The following MAGI2 variants were observed in gnomAD, a reference collection of about 807,000 sequenced individuals.
MAGI2 encodes the protein membrane-associated guanylate kinase, WW and PDZ domain-containing protein 2.
In MAGI2, 35 loss-of-function variants were observed where a neutral mutation model predicts 133.3. The observed-to-expected ratio is 0.26, with a 90% confidence interval of 0.20 to 0.35. The LOEUF (loss-of-function observed/expected upper bound fraction) is 0.35, where lower values mean the gene tolerates loss of function less well. Ranked by LOEUF, MAGI2 falls within the 10% of genes least tolerant of loss-of-function variation. The pLI, the probability that MAGI2 is intolerant of heterozygous loss-of-function variation, is 1.00. For synonymous variants in MAGI2, 729 were observed against 710.6 expected (o/e 1.03, Z -0.41); for missense variants, 1,636 against 1,863.4 (o/e 0.88, Z 2.25).
At chr7:79,291,936 T>A (rs1396588758) in intron 1 of MAGI2, among the ~76,000 whole-genome samples, 3 of 152,166 alleles carry the variant, frequency 2.0e-5, no homozygotes, top group African/African-American at 7.2e-5. Context: ...TTTATCTGAT[T>A]TTTTTTCACT....
At chr7:78,543,830 T>C (rs773199189) in intron 3 of MAGI2, among the ~76,000 whole-genome samples, 1 of 152,278 alleles carries the variant, frequency 6.6e-6, no homozygotes, top group Non-Finnish European at 1.5e-5. Context: ...AGAATATTAA[T>C]ATGAACTTTT....
At chr7:78,780,693 AG>A (rs1475648594) in intron 2 of MAGI2, among the ~76,000 whole-genome samples, 1 of 152,234 alleles carries the variant, frequency 6.6e-6, no homozygotes, top group Non-Finnish European at 1.5e-5. Flanking sequence ...AGGCTTTCAA[AG>A]AACCCAAGGC....
intron 2 of MAGI2, among the ~76,000 whole-genome samples, chr7:78,871,304 C>T (rs894155681): frequency 3.0e-4 from 46 of 151,780 alleles, no homozygotes; most frequent in Non-Finnish European, 5.9e-4. Context: ...AGCGAGACTC[C>T]ATCTCAAAAT....
At chr7:78,878,478 T>C (rs559503333) in intron 2 of MAGI2, among the ~76,000 whole-genome samples, 73 of 152,294 alleles carry the variant, frequency 4.8e-4, no homozygotes, top group African/African-American at 1.7e-3. Context: ...AATGTAAAAA[T>C]TCACATTTAT....
At chr7:78,494,600 G>A (rs570888676) in intron 5 of MAGI2, among the ~76,000 whole-genome samples, 1 of 151,996 alleles carries the variant, frequency 6.6e-6, no homozygotes, top group Admixed American at 6.6e-5. Context: ...ATTAAAACAT[G>A]TTCTCCTTTC....
intron 1 of MAGI2, among the ~76,000 whole-genome samples, chr7:79,252,156 C>CAAAAAAAAAAAAAAAA (rs1208897198): frequency 4.9e-5 from 5 of 102,596 alleles, no homozygotes; most frequent in Non-Finnish European, 7.1e-5. Flanking sequence ...GACCCTGTCT[C>CAAAAAAAAAAAAAAAA]AAAAAAAAAA....
At chr7:78,693,353 T>C (rs776707627) in intron 2 of MAGI2, among the ~76,000 whole-genome samples, 1 of 152,150 alleles carries the variant, frequency 6.6e-6, no homozygotes. Context: ...TCTACTCCCC[T>C]TGGGCCAAAA....
chr7:78,659,380 G>A (rs1366512449), intron 2 of MAGI2, among the ~76,000 whole-genome samples: 3 of 130,618 alleles, frequency 2.3e-5, no homozygotes, highest in African/African-American at 6.0e-5. Context: ...AGCCGAGATC[G>A]TGCCACTGCA....
intron 2 of MAGI2, among the ~76,000 whole-genome samples, chr7:78,999,101 C>T (rs1318817663): frequency 3.3e-5 from 5 of 152,088 alleles, no homozygotes; most frequent in South Asian, 2.1e-4. Flanking sequence ...ATTTCACCTG[C>T]GTTTATGATC....
intron 20 of MAGI2, among the ~76,000 whole-genome samples, chr7:78,103,481 A>T (rs545345956): frequency 6.6e-6 from 1 of 152,316 alleles, no homozygotes; most frequent in East Asian, 1.9e-4. Context: ...AATGCCCTAG[A>T]ACACATGAGG....
At chr7:79,378,956 A>G (rs1447205048) in intron 1 of MAGI2, among the ~76,000 whole-genome samples, 4,662 of 84,396 alleles carry the variant, frequency 0.055, 404 homozygotes, top group African/African-American at 0.18. Flanking sequence ...ATATATATAT[A>G]TATATATATA....
At chr7:78,470,337 G>C (rs563728794) in intron 6 of MAGI2, among the ~76,000 whole-genome samples, 2 of 152,178 alleles carry the variant, frequency 1.3e-5, no homozygotes, top group Non-Finnish European at 1.5e-5. Context: ...TGTTTAACCA[G>C]CACTGTTTAA....
chr7:79,325,202 A>G lies in MAGI2; in HGVS notation c.301+127818T>C, dbSNP rs1362092123. Among the ~76,000 whole-genome samples, 3 of 152,162 alleles carry G rather than the reference A, an allele frequency of 2.0e-5. No individual in the cohort carries two copies. In the East Asian group the frequency reaches 5.8e-4, roughly 29 times the overall value. ...CATCCTTGACCATCCTTTCTACAACATAGACTTTAGCATGCCACTGTCGCC... is the reference window on the plus strand; with the variant it reads ...CATCCTTGACCATCCTTTCTACAACGTAGACTTTAGCATGCCACTGTCGCC... On this transcript the variant is annotated intron_variant, in intron 1 of 21. Transcript: ENST00000354212.
chr7:78,380,788 G>A (rs975044193), intron 6 of MAGI2, among the ~76,000 whole-genome samples: 2 of 152,032 alleles, frequency 1.3e-5, no homozygotes, highest in Admixed American at 6.6e-5. Context: ...TGGATATCCC[G>A]TTTATCCTCA....
chr7:78,586,596 C>T lies in MAGI2; in HGVS notation c.538+40524G>A, dbSNP rs140879505. Among the ~76,000 whole-genome samples, 512 of 152,172 alleles carry T rather than the reference C, an allele frequency of 3.4e-3. 19 individuals are homozygous for T. Among genetic ancestry groups the T allele is most frequent in the Admixed American group, 0.03 (459 of 15,288 alleles). ...TAAAATATGCATAACAAAGAATTTG[C>T]CATATTGTTTTTAAGTATACTATTC... On this transcript the variant is annotated intron_variant, in intron 3 of 21. Coordinates refer to ENST00000354212, the MANE Select transcript of MAGI2 (RefSeq NM_012301.4).
intron 1 of MAGI2, among the ~76,000 whole-genome samples, chr7:79,207,073 C>T (rs1050137923): frequency 6.6e-6 from 1 of 151,810 alleles, no homozygotes; most frequent in Non-Finnish European, 1.5e-5. Flanking sequence ...TAGTCCGTAA[C>T]ACAATAAGGG....
At chr7:79,139,908 T>C (rs1237507926) in intron 1 of MAGI2, 3 of 152,220 alleles carry the variant, frequency 2.0e-5, no homozygotes, top group Non-Finnish European at 2.9e-5. Flanking sequence ...ATGGAAACCA[T>C]GTGAAGATGG....
At chr7:79,352,108 A>C (rs1446685835) in intron 1 of MAGI2, among the ~76,000 whole-genome samples, 1 of 152,250 alleles carries the variant, frequency 6.6e-6, no homozygotes, top group Non-Finnish European at 1.5e-5. Flanking sequence ...GGTAAAGAAT[A>C]AATGAAGCAT....
chr7:78,880,291 C>T (rs1795746297), intron 2 of MAGI2, among the ~76,000 whole-genome samples: 1 of 152,004 alleles, frequency 6.6e-6, no homozygotes, highest in Non-Finnish European at 1.5e-5. Flanking sequence ...CCAAGATCAG[C>T]ACGGAAGAAA....
Sources: allele counts gnomAD v4.1 joint callset (sites outside exome capture counted in the v4.1 genomes callset), GRCh38; gene constraint gnomAD v4.1.1; transcripts MANE v1.5; gene names NCBI Gene and HGNC (gene_info 2026-07-23, HGNC 2026-07-21).